The following MAB21L3 variants were observed in gnomAD, a reference collection of about 807,000 sequenced individuals.
MAB21L3 encodes protein mab-21-like 3.
A neutral mutation model predicts 37.7 loss-of-function variants in MAB21L3; 36 were observed. The observed-to-expected ratio is 0.96, with a 90% CI of 0.73 to 1.26. The LOEUF is 1.26. Ranked by LOEUF, MAB21L3 falls within the 50% of genes most tolerant of loss-of-function variation. The probability of loss-of-function intolerance (pLI) is 0.00; values close to 1 mark genes in which losing one functional copy is unlikely to be tolerated. For missense variants in MAB21L3, 430 were observed against 447.3 expected (o/e 0.96, Z 0.35); for synonymous variants, 186 against 176.8 (o/e 1.05, Z -0.41).
Position 116,134,838 on chromosome 1 carries a change from A to G in MAB21L3, c.*1473A>G, listed in dbSNP as rs1166057862. On this transcript the variant is annotated 3_prime_UTR_variant, in exon 8 of 8. Coordinates refer to ENST00000369500, the MANE Select transcript of MAB21L3 (RefSeq NM_152367.3). The stretch of plus-strand genomic sequence containing the variant: ...ATTCTAGGAGTTCTCGGTGAGATCA[A>G]TGGTTTTTTTCTGGCGTTTATGTAA... 1.3e-5 allele frequency: 2 copies of G among 151,762 alleles called. No homozygotes were observed. The highest frequency in any genetic ancestry group is 1.5e-5 in the Non-Finnish European group (1 of 67,974). 9.4% of individuals were successfully genotyped at this position (151,762 alleles called of 1,614,324 possible).
intron 7 of MAB21L3, 32 bp from the exon 8 acceptor site, chr1:116,133,100 A>G: frequency 1.3e-6 from 2 of 1,576,974 alleles, no homozygotes; most frequent in Non-Finnish European, 1.7e-6. Flanking sequence ...ATTGCCCGAA[A>G]CAATGTCTGA....
rs1570812371 is a variant in MAB21L3, at chr1:116,128,442, C to A, written c.855+103C>A. On this transcript the variant is annotated intron_variant, in intron 7 of 7. Transcript: ENST00000369500. The stretch of plus-strand genomic sequence containing the variant: ...GGCCAGAGCCACTCAGAAGGGGTAG[C>A]ATGTGTGAAAAATTCAGGATGAGGT... 2.0e-5 allele frequency: 22 copies of A among 1,111,700 alleles called. No homozygotes were observed. The East Asian group carries it at 5.3e-4, about 27-fold the overall frequency. The allele number at this position is 1,111,700 out of a possible 1,614,324, so 68.9% of individuals were successfully genotyped here.
rs1157088235 is a variant in MAB21L3, at chr1:116,134,853, C to T, written c.*1488C>T. ...GGTGAGATCAATGGTTTTTTTCTGG[C>T]GTTTATGTAATGCTTCTCAACTCAA... On this transcript the variant is annotated 3_prime_UTR_variant, in exon 8 of 8. Coordinates refer to ENST00000369500, the MANE Select transcript of MAB21L3 (RefSeq NM_152367.3). 1.3e-5 allele frequency: 2 copies of T among 151,758 alleles called. No homozygotes were observed. 9.4% of individuals were successfully genotyped at this position (151,758 alleles called of 1,614,324 possible).
At chr1:116,132,631 A>G (rs1660101371) in intron 7 of MAB21L3, among the ~76,000 whole-genome samples, 1 of 152,134 alleles carries the variant, frequency 6.6e-6, no homozygotes, top group African/African-American at 2.4e-5. Flanking sequence ...GGGAAGAGTG[A>G]GGGCAGGAGG....
chr1:116,131,658 G>T (rs1474798559), intron 7 of MAB21L3, among the ~76,000 whole-genome samples: 1 of 152,156 alleles, frequency 6.6e-6, no homozygotes. Flanking sequence ...GGGACTACAG[G>T]CACCCGCCAC....
chr1:116,128,366 C>A, intron 7 of MAB21L3, 27 bp downstream of exon 7: 1 of 1,583,062 alleles, frequency 6.3e-7, no homozygotes, highest in Non-Finnish European at 8.6e-7. Context: ...TTGGAGAAGA[C>A]CCAGGGGCAG....
chr1:116,118,004 C>T (rs1401489361), intron 3 of MAB21L3, among the ~76,000 whole-genome samples: 1 of 152,032 alleles, frequency 6.6e-6, no homozygotes, highest in Non-Finnish European at 1.5e-5. Flanking sequence ...TTTCTCTCAG[C>T]ATTTAAACAT....
At chr1:116,129,365 G>A (rs1660000503) in intron 7 of MAB21L3, among the ~76,000 whole-genome samples, 1 of 152,204 alleles carries the variant, frequency 6.6e-6, no homozygotes, top group African/African-American at 2.4e-5. Context: ...TAGGGAGGTA[G>A]GAGACTCTTG....
chr1:116,132,419 T>A (rs1204214805), intron 7 of MAB21L3, among the ~76,000 whole-genome samples: 1 of 152,134 alleles, frequency 6.6e-6, no homozygotes, highest in Non-Finnish European at 1.5e-5. Context: ...GAACCAGGTC[T>A]GCTGAAAGGT....
Position 116,128,418 on chromosome 1 carries a change from G to A in MAB21L3, c.855+79G>A, listed in dbSNP as rs182875902. The stretch of plus-strand genomic sequence containing the variant: ...CTTCCTGTGGCCTCTGTAGGGCCTG[G>A]CCAGAGCCACTCAGAAGGGGTAGCA... On this transcript the variant is annotated intron_variant, in intron 7 of 7. Transcript: ENST00000369500. 92 of 1,383,846 alleles carry A rather than the reference G, an allele frequency of 6.6e-5. No individual in the cohort carries two copies. In the East Asian group the frequency reaches 2.3e-3, roughly 34 times the overall value. The allele number at this position is 1,383,846 out of a possible 1,614,324, so 85.7% of individuals were successfully genotyped here. A position where few individuals can be genotyped will look rare whatever the true frequency, so the allele number is the denominator to read the frequency against.
In MAB21L3 at chr1:116,136,316, C is replaced by A. The variant is rs1047102838; in HGVS notation, c.*2951C>A. On this transcript the variant is annotated 3_prime_UTR_variant, in exon 8 of 8. Transcript: ENST00000369500. ...AAAATCAAAGTACAAAAATCACAAG[C>A]ATTCTTATACACCAATAACAGACAG... Among the ~76,000 whole-genome samples the A allele has an allele frequency of 6.6e-6, 1 of 152,092 alleles. No individual in the cohort carries two copies. The highest frequency in any genetic ancestry group is 1.5e-5 in the Non-Finnish European group (1 of 68,024).
intron 4 of MAB21L3, among the ~76,000 whole-genome samples, chr1:116,121,370 GA>G (rs902399688): frequency 6.6e-6 from 1 of 152,026 alleles, no homozygotes; most frequent in African/African-American, 2.4e-5. Context: ...TATAGAAAAA[GA>G]AAAAAAGATA....
intron 2 of MAB21L3, 106 bp from the exon 3 acceptor site, chr1:116,112,301 T>C: frequency 4.1e-6 from 1 of 244,300 alleles, no homozygotes; most frequent in Non-Finnish European, 8.1e-6. Context: ...TGCTCTCTGG[T>C]GAAAGCACCA....
chr1:116,137,688 C>T lies in MAB21L3; in HGVS notation c.*4323C>T, dbSNP rs4366320. On this transcript the variant is annotated 3_prime_UTR_variant, in exon 8 of 8. Transcript: ENST00000369500. ...GACACATGCACACGTATGTTTATTG[C>T]GGCATTATTCACAATAGCAGACTTG... 0.031 allele frequency among the ~76,000 whole-genome samples: 4,625 copies of T among 151,594 alleles called. 224 individuals carry two copies. The highest frequency in any genetic ancestry group is 0.11 in the African/African-American group (4,381 of 41,116).
chr1:116,123,441 C>T (rs1466211365), intron 4 of MAB21L3, among the ~76,000 whole-genome samples: 4 of 152,080 alleles, frequency 2.6e-5, no homozygotes, highest in African/African-American at 7.2e-5. Context: ...AAATCTGTTA[C>T]GTCCCCTCCT....
intron 7 of MAB21L3, among the ~76,000 whole-genome samples, chr1:116,131,966 C>T (rs918632994): frequency 9.2e-5 from 14 of 151,956 alleles, no homozygotes; most frequent in Non-Finnish European, 1.8e-4. Context: ...TGACTGGGGA[C>T]GGTAAGGGAG....
chr1:116,119,454 C>T (rs1020530619), intron 3 of MAB21L3, among the ~76,000 whole-genome samples: 4 of 152,144 alleles, frequency 2.6e-5, no homozygotes, highest in African/African-American at 9.7e-5. Flanking sequence ...TTTAGGAAAA[C>T]AGGAATCTCT....
In MAB21L3 at chr1:116,124,076, C is replaced by T; in HGVS notation, c.200C>T (p.Pro67Leu). ...CTTTCCTGACCCTAGGTTTTGGCTC[C>T]CAGTCAGTTCCTCGTCACAGTCCCA... is the stretch of plus-strand genomic sequence containing the variant. Reference protein sequence around the residue: ...TYNENIKVLAPSQFLVTVPIK... With the variant: ...TYNENIKVLALSQFLVTVPIK... The change falls in exon 5 of 8, where the codon CCC becomes CTC. Residue 67 changes from proline to leucine, a missense_variant. Pro to Leu is a moderately conservative substitution (Grantham distance 98). Coordinates refer to ENST00000369500, the MANE Select transcript of MAB21L3 (RefSeq NM_152367.3). 1.3e-6 allele frequency: 2 copies of T among 1,599,512 alleles called. No homozygotes were observed. Among genetic ancestry groups the T allele is most frequent in the Non-Finnish European group, 1.7e-6 (2 of 1,170,882 alleles).
chr1:116,136,051 C>T lies in MAB21L3; in HGVS notation c.*2686C>T, dbSNP rs1297615693. 1.2e-3 allele frequency among the ~76,000 whole-genome samples: 171 copies of T among 148,084 alleles called. 1 individual carries two copies. The highest frequency in any genetic ancestry group is 4.0e-3 in the African/African-American group (157 of 39,448). ...GAATGGGCAAAAACTGGAAGCATTC[C>T]CTTTGAAAACTGGCACAAGACAGGG... is the stretch of plus-strand genomic sequence containing the variant. On this transcript the variant is annotated 3_prime_UTR_variant, in exon 8 of 8. Coordinates refer to ENST00000369500, the MANE Select transcript of MAB21L3 (RefSeq NM_152367.3).
Sources: gnomAD v4.1 joint callset for allele counts (sites outside exome capture counted in the v4.1 genomes callset) on GRCh38, gnomAD v4.1.1 for gene constraint, MANE v1.5 for transcripts, NCBI Gene and HGNC (gene_info 2026-07-23, HGNC 2026-07-21) for gene names.